PTPRE: variants seen among roughly 807,000 people sequenced by gnomAD.
PTPRE encodes the protein protein tyrosine phosphatase receptor type E.
Under a neutral mutation model 102.0 loss-of-function variants are expected in PTPRE, and 51 were observed. That is an observed-to-expected ratio of 0.50 (90% CI 0.40 to 0.63). PTPRE has a LOEUF of 0.63. Among genes scored for constraint, PTPRE ranks in the 30% least tolerant of loss-of-function variants. The probability of loss-of-function intolerance (pLI) is 0.00; values close to 1 mark genes in which losing one functional copy is unlikely to be tolerated. For synonymous variants in PTPRE, 345 were observed against 348.2 expected, an observed-to-expected ratio of 0.99 and a Z score of 0.10; for missense variants, 752 against 915.1, an observed-to-expected ratio of 0.82 and a Z score of 2.30.
chr10:128,075,609 A>G (rs1851155752), intron 17 of PTPRE, among the ~76,000 whole-genome samples: 1 of 152,248 alleles, frequency 6.6e-6, no homozygotes, highest in Non-Finnish European at 1.5e-5. Flanking sequence ...AATTTGCAAG[A>G]TAATTCCTAA....
chr10:127,993,573 T>TGTGGATGAACATATG (rs1852912492), intron 2 of PTPRE, among the ~76,000 whole-genome samples: 2 of 151,944 alleles, frequency 1.3e-5, no homozygotes, highest in African/African-American at 4.8e-5. Flanking sequence ...GATGGATATG[T>TGTGGATGAACATATG]GAATGAGGGG....
Position 128,066,071 on chromosome 10 carries a change from G to A in PTPRE, c.724-4G>A, listed in dbSNP as rs1342793919. ...ATTTGCTTCTATTAAATTGTTCCGT[G>A]CAGGAAAAGTGCCATCAGTACTGGC... On this transcript the variant is annotated splice_region_variant and splice_polypyrimidine_tract_variant and intron_variant, in intron 10 of 20. Transcript: ENST00000254667. 6.2e-7 allele frequency: 1 copy of A among 1,614,064 alleles called. No individual in the cohort carries two copies. The highest frequency in any genetic ancestry group is 8.5e-7 in the Non-Finnish European group (1 of 1,180,036).
At chr10:128,037,331 G>A (rs184895144) in intron 2 of PTPRE, among the ~76,000 whole-genome samples, 9 of 152,262 alleles carry the variant, frequency 5.9e-5, no homozygotes, top group Non-Finnish European at 7.4e-5. Context: ...CTCGCCTTCC[G>A]TCCTGAATGA....
chr10:128,055,871 G>C (rs1444400928), intron 6 of PTPRE, among the ~76,000 whole-genome samples: 1 of 152,160 alleles, frequency 6.6e-6, no homozygotes. Context: ...ATAGGATCTG[G>C]CTGATGAGAC....
chr10:128,046,104 C>T (rs762900185), intron 3 of PTPRE, among the ~76,000 whole-genome samples: 90 of 152,338 alleles, frequency 5.9e-4, no homozygotes, highest in Non-Finnish European at 9.8e-4. Context: ...TTATGAGAAA[C>T]GATGGTGCGG....
At chr10:128,018,736 A>G (rs1241360619) in intron 2 of PTPRE, among the ~76,000 whole-genome samples, 1 of 152,180 alleles carries the variant, frequency 6.6e-6, no homozygotes, top group Non-Finnish European at 1.5e-5. Context: ...GGAAACCTCA[A>G]GAGTTGAAAA....
intron 1 of PTPRE, among the ~76,000 whole-genome samples, chr10:127,920,601 G>T (rs751801951): frequency 2.0e-5 from 3 of 152,150 alleles, no homozygotes; most frequent in Admixed American, 6.5e-5. Flanking sequence ...TTCTTCTTTC[G>T]TGGACTTCCC....
intron 1 of PTPRE, among the ~76,000 whole-genome samples, chr10:127,947,962 G>A (rs1449766701): frequency 6.6e-6 from 1 of 152,174 alleles, no homozygotes; most frequent in African/African-American, 2.4e-5. Flanking sequence ...TCATGTGACA[G>A]CATGGGACGT....
At chr10:128,069,617 A>C (rs546664634) in intron 12 of PTPRE, 75 bp from the exon 13 acceptor site, 1 of 1,566,654 alleles carries the variant, frequency 6.4e-7, no homozygotes. Flanking sequence ...CTGGGTGCGC[A>C]GGCCCCTTCG....
In PTPRE at chr10:128,061,450, G is replaced by A. The variant is rs192564467; in HGVS notation, c.589-229G>A. Among the ~76,000 whole-genome samples the A allele has an allele frequency of 1.2e-4, 18 of 152,302 alleles. No homozygotes were observed. The East Asian group carries it at 3.5e-3, about 29-fold the overall frequency. ...CAGAAATGTCTGCATGTCTGCTTGT[G>A]GGTGAGTCTGGGAAAGGTTTGGCAG... On this transcript the variant is annotated intron_variant, in intron 8 of 20. Transcript: ENST00000254667.
At chr10:127,959,289 A>G (rs1849629257) in intron 1 of PTPRE, among the ~76,000 whole-genome samples, 1 of 152,198 alleles carries the variant, frequency 6.6e-6, no homozygotes, top group South Asian at 2.1e-4. Flanking sequence ...AGAGTTTCCT[A>G]AAAGCTTACC....
chr10:127,968,480 A>G (rs1310676084), intron 1 of PTPRE, among the ~76,000 whole-genome samples: 2 of 152,164 alleles, frequency 1.3e-5, no homozygotes, highest in Non-Finnish European at 2.9e-5. Flanking sequence ...TCTGCCTCCA[A>G]TGTCCTGGGA....
intron 2 of PTPRE, among the ~76,000 whole-genome samples, chr10:127,992,697 A>T (rs1665405298): frequency 6.6e-6 from 1 of 152,066 alleles, no homozygotes; most frequent in African/African-American, 2.4e-5. Context: ...TGCTCTAGAA[A>T]CCTAGGTACC....
intron 2 of PTPRE, among the ~76,000 whole-genome samples, chr10:128,000,204 T>C (rs1853726072): frequency 6.6e-6 from 1 of 152,188 alleles, no homozygotes; most frequent in Non-Finnish European, 1.5e-5. Flanking sequence ...AACAGTTTGG[T>C]TCAAATGATT....
intron 20 of PTPRE, among the ~76,000 whole-genome samples, chr10:128,080,124 G>A (rs1252854080): frequency 6.6e-6 from 1 of 152,096 alleles, no homozygotes; most frequent in Non-Finnish European, 1.5e-5. Context: ...TCCCTGGCGG[G>A]GTCTCACTCA....
At chr10:128,000,059 A>G (rs146632284) in intron 2 of PTPRE, 3 of 762,106 alleles carry the variant, frequency 3.9e-6, no homozygotes, top group Admixed American at 6.3e-5. Flanking sequence ...TGCATTTTCC[A>G]TGAGTCTTTA....
At chr10:127,957,793 A>G (rs1849511288) in intron 1 of PTPRE, among the ~76,000 whole-genome samples, 1 of 152,224 alleles carries the variant, frequency 6.6e-6, no homozygotes, top group Non-Finnish European at 1.5e-5. Context: ...AAGTGAAAGA[A>G]CTGACATCCT....
chr10:128,077,586 G>A (rs755780644), intron 18 of PTPRE, 31 bp from the exon 19 acceptor site: 3 of 1,579,408 alleles, frequency 1.9e-6, no homozygotes, highest in Non-Finnish European at 2.6e-6. Context: ...CGGCAGGCAG[G>A]CGACGCTGAG....
intron 2 of PTPRE, among the ~76,000 whole-genome samples, chr10:128,001,439 A>G (rs1367923020): frequency 1.3e-5 from 2 of 152,066 alleles, no homozygotes; most frequent in Non-Finnish European, 2.9e-5. Flanking sequence ...GCACTGGGGG[A>G]TTGTGGACAT....
Sources: gnomAD v4.1 joint callset for allele counts (sites outside exome capture counted in the v4.1 genomes callset) on GRCh38, gnomAD v4.1.1 for gene constraint, MANE v1.5 for transcripts, NCBI Gene and HGNC (gene_info 2026-07-23, HGNC 2026-07-21) for gene names.